The following MYRIP variants were observed in gnomAD, a reference collection of about 807,000 sequenced individuals.
MYRIP encodes myosin VIIA and Rab interacting protein.
MYRIP carries 49 observed loss-of-function variants against 98.0 expected under a neutral mutation model. That is an observed-to-expected ratio of 0.50 (90% confidence interval 0.40 to 0.63). The LOEUF is 0.63. Among genes scored for constraint, MYRIP ranks in the 30% least tolerant of loss-of-function variants. MYRIP has a pLI of 0.00. For synonymous variants in MYRIP, 404 were observed against 409.5 expected, an observed-to-expected ratio of 0.99 and a Z score of 0.16; for missense variants, 1,004 against 1,058.2, an observed-to-expected ratio of 0.95 and a Z score of 0.71.
chr3:39,974,467 G>C (rs966389324), intron 2 of MYRIP, among the ~76,000 whole-genome samples: 3 of 152,126 alleles, frequency 2.0e-5, no homozygotes, highest in Non-Finnish European at 4.4e-5. Context: ...AATTCTACCA[G>C]AGGTACAAGG....
chr3:39,856,211 T>C lies in MYRIP; in HGVS notation c.-30-44576T>C, dbSNP rs115680323. Reference sequence around the variant, plus strand: ...AGAATTTGCAGTGGTGTGCCACTTCTTTCAAATGATTTGTGAATTCTTTCA... The same window carrying C: ...AGAATTTGCAGTGGTGTGCCACTTCCTTCAAATGATTTGTGAATTCTTTCA... On this transcript the variant is annotated intron_variant, in intron 1 of 16. Transcript: ENST00000302541. Among the ~76,000 whole-genome samples the C allele has an allele frequency of 8.9e-3, 1,358 of 152,358 alleles. 25 individuals carry two copies. The highest frequency in any genetic ancestry group is 0.031 in the African/African-American group (1,302 of 41,582).
intron 9 of MYRIP, among the ~76,000 whole-genome samples, chr3:40,183,126 CAG>C: frequency 6.6e-6 from 1 of 152,286 alleles, no homozygotes; most frequent in East Asian, 1.9e-4. Flanking sequence ...TTAACTATCT[CAG>C]CACGGAGAGC....
chr3:40,130,675 C>T (rs1057178192), intron 3 of MYRIP, among the ~76,000 whole-genome samples: 56 of 152,144 alleles, frequency 3.7e-4, no homozygotes, highest in Middle Eastern at 3.4e-3. Flanking sequence ...CCACCGCGCC[C>T]GGCCTCTAGT....
chr3:39,884,289 G>T (rs556014830), intron 1 of MYRIP, among the ~76,000 whole-genome samples: 1 of 152,014 alleles, frequency 6.6e-6, no homozygotes, highest in African/African-American at 2.4e-5. Context: ...GTCCCTCCCT[G>T]CTCCTCCCTG....
intron 3 of MYRIP, among the ~76,000 whole-genome samples, chr3:40,095,517 C>G (rs1027051682): frequency 6.6e-6 from 1 of 152,156 alleles, no homozygotes; most frequent in Non-Finnish European, 1.5e-5. Flanking sequence ...CTCTGAGAAG[C>G]CAGCTTTGTT....
At chr3:40,059,235 A>G (rs1188409473) in intron 3 of MYRIP, among the ~76,000 whole-genome samples, 2 of 152,136 alleles carry the variant, frequency 1.3e-5, no homozygotes, top group East Asian at 1.9e-4. Flanking sequence ...TAGTGCTGCA[A>G]TAAACTTACG....
chr3:40,252,051 T>G, intron 16 of MYRIP, 52 bp downstream of exon 16: 7 of 1,341,728 alleles, frequency 5.2e-6, no homozygotes, highest in Non-Finnish European at 7.5e-6. Context: ...TGATGGTACC[T>G]CCACTCTGCA....
chr3:39,830,908 T>C (rs1941425917), intron 1 of MYRIP, among the ~76,000 whole-genome samples: 1 of 152,082 alleles, frequency 6.6e-6, no homozygotes, highest in Non-Finnish European at 1.5e-5. Flanking sequence ...CTTAAACCCA[T>C]CCCTGCAGAT....
intron 2 of MYRIP, among the ~76,000 whole-genome samples, chr3:39,997,296 T>C (rs1356749295): frequency 6.7e-6 from 1 of 149,886 alleles, no homozygotes; most frequent in Non-Finnish European, 1.5e-5. Context: ...GCAAGACTAA[T>C]AAAGAAGAAA....
At chr3:39,860,173 T>A (rs1277662452) in intron 1 of MYRIP, among the ~76,000 whole-genome samples, 1 of 152,214 alleles carries the variant, frequency 6.6e-6, no homozygotes, top group East Asian at 1.9e-4. Flanking sequence ...ACACTGGAAC[T>A]CATTCCTGGT....
chr3:40,165,690 T>G (rs1191155393), intron 5 of MYRIP, among the ~76,000 whole-genome samples: 3 of 151,626 alleles, frequency 2.0e-5, no homozygotes, highest in Admixed American at 6.6e-5. Flanking sequence ...TTCCCAGCAC[T>G]TAGCTCCAAA....
chr3:40,214,825 G>A (rs1168243190), intron 11 of MYRIP, among the ~76,000 whole-genome samples: 2 of 152,186 alleles, frequency 1.3e-5, no homozygotes, highest in East Asian at 1.9e-4. Flanking sequence ...CTCTAGGGAC[G>A]CAGCTGCTGC....
chr3:39,865,655 T>G (rs1942598916), intron 1 of MYRIP, among the ~76,000 whole-genome samples: 1 of 152,044 alleles, frequency 6.6e-6, no homozygotes, highest in Admixed American at 6.6e-5. Flanking sequence ...GAATGGCTAT[T>G]AAAAATGTCA....
At chr3:40,163,288 A>T (rs1035255752) in intron 5 of MYRIP, among the ~76,000 whole-genome samples, 2 of 152,226 alleles carry the variant, frequency 1.3e-5, no homozygotes, top group African/African-American at 4.8e-5. Context: ...ATTGATAATC[A>T]GTGCCCCCTC....
chr3:39,971,417 T>C (rs1044510124), intron 2 of MYRIP, among the ~76,000 whole-genome samples: 1 of 152,058 alleles, frequency 6.6e-6, no homozygotes, highest in Non-Finnish European at 1.5e-5. Context: ...ACAGTTACAA[T>C]AGTATAGATA....
chr3:39,883,322 T>C (rs1186288147), intron 1 of MYRIP, among the ~76,000 whole-genome samples: 1 of 152,196 alleles, frequency 6.6e-6, no homozygotes, highest in Non-Finnish European at 1.5e-5. Context: ...TGCTAATGCA[T>C]GCAAGCTTGC....
intron 1 of MYRIP, among the ~76,000 whole-genome samples, chr3:39,884,999 C>T (rs1943253805): frequency 7.1e-6 from 1 of 141,642 alleles, no homozygotes; most frequent in Admixed American, 7.8e-5. Flanking sequence ...TATAAATTTA[C>T]ATTCCTAATA....
chr3:40,250,116 G>C, intron 13 of MYRIP, 106 bp from the exon 14 acceptor site: 1 of 833,198 alleles, frequency 1.2e-6, no homozygotes, highest in East Asian at 2.6e-5. Flanking sequence ...GAATGAATGA[G>C]CATACATCAA....
intron 12 of MYRIP, among the ~76,000 whole-genome samples, chr3:40,238,302 C>T (rs948683393): frequency 5.3e-5 from 8 of 152,324 alleles, no homozygotes; most frequent in East Asian, 3.9e-4. Context: ...GAGCCATGGG[C>T]GCGTTGCCTT....
Sources: gnomAD v4.1 joint callset for allele counts (sites outside exome capture counted in the v4.1 genomes callset) on GRCh38, gnomAD v4.1.1 for gene constraint, MANE v1.5 for transcripts, NCBI Gene and HGNC (gene_info 2026-07-23, HGNC 2026-07-21) for gene names.